CARD14: variants seen among roughly 807,000 people sequenced by gnomAD.
The protein encoded by CARD14 is caspase recruitment domain-containing protein 14.
Under a neutral mutation model 111.5 loss-of-function variants are expected in CARD14, and 107 were observed. The observed-to-expected ratio is 0.96, with a 90% CI of 0.82 to 1.13. CARD14 has a LOEUF of 1.13. Ranked by LOEUF, CARD14 falls within the 50% of genes most tolerant of loss-of-function variation. The probability of loss-of-function intolerance (pLI) is 0.00; values close to 1 mark genes in which losing one functional copy is unlikely to be tolerated. For missense variants in CARD14, 1,322 were observed against 1,362.3 expected (o/e 0.97, Z 0.47); for synonymous variants, 617 against 579.6 (o/e 1.06, Z -0.93).
Position 80,208,232 on chromosome 17 carries a change from A to G in CARD14, c.2902A>G (p.Ser968Gly). The G allele has an allele frequency of 6.4e-7, 1 of 1,571,874 alleles. No homozygotes were observed. The highest frequency in any genetic ancestry group is 1.3e-5 in the African/African-American group (1 of 74,690). ...CCTGGACCGGGCGCCCTGTCTATACAGCAGCCTGGCTCCTGACGGCTGGAG... is the reference window on the plus strand; with the variant it reads ...CCTGGACCGGGCGCCCTGTCTATACGGCAGCCTGGCTCCTGACGGCTGGAG... Reference protein sequence around the residue: ...GDLDRAPCLYSSLAPDGWSDL... With the variant: ...GDLDRAPCLYGSLAPDGWSDL... Residue 968 changes from serine to glycine, a missense_variant, in exon 24 of 24, where the codon AGC (serine) becomes GGC (glycine). Ser to Gly is a moderately conservative substitution (Grantham distance 56). Transcript: ENST00000648509.
intron 1 of CARD14, among the ~76,000 whole-genome samples, chr17:80,172,398 G>A (rs2039921460): frequency 6.6e-6 from 1 of 152,184 alleles, no homozygotes; most frequent in Non-Finnish European, 1.5e-5. Flanking sequence ...GCCCTGAGGG[G>A]AAGAAACAGT....
rs55912754 is a variant in CARD14 at position 80,172,872 on chromosome 17, C to CTTTTTTTTTTTTTTTTTTTTTT, written c.-689-29_-689-8dup. ...CCCATACTTGCTTATTCTAAACATT[C>CTTTTTTTTTTTTTTTTTTTTTT]TTTTTTTTTTTTTTTTTTTTTTTTT... On this transcript the variant is annotated intron_variant, in intron 1 of 23. Coordinates refer to ENST00000648509, the MANE Select transcript of CARD14 (RefSeq NM_001366385.1). The CTTTTTTTTTTTTTTTTTTTTTT allele has an allele frequency of 3.4e-3, 240 of 70,784 alleles. 40 individuals carry two copies. Among genetic ancestry groups the CTTTTTTTTTTTTTTTTTTTTTT allele is most frequent in the African/African-American group, 3.9e-3 (67 of 17,182 alleles). The allele number at this position is 70,784 out of a possible 1,614,324, so 4.4% of individuals were successfully genotyped here.
Position 80,188,546 on chromosome 17 carries a change from T to G in CARD14, c.843+2T>G. On this transcript the variant is annotated splice_donor_variant, in intron 8 of 23. Transcript: ENST00000648509. LOFTEE classifies it high-confidence loss of function. The surrounding 1 kb of genome is among the most constrained non-coding windows in gnomAD (Gnocchi z 4.5). Reference sequence around the variant, plus strand: ...CTGCGCTCGCTGACTTTCAGCCTGGTAGGTTCCGGTCCCCGCAGCAGAGAG... The same window carrying G: ...CTGCGCTCGCTGACTTTCAGCCTGGGAGGTTCCGGTCCCCGCAGCAGAGAG... 1 of 1,500,792 alleles carries G rather than the reference T, an allele frequency of 6.7e-7. No individual in the cohort carries two copies. The highest frequency in any genetic ancestry group is 8.9e-7 in the Non-Finnish European group (1 of 1,123,406). 93.0% of individuals were successfully genotyped at this position (1,500,792 alleles called of 1,614,324 possible). A position where few individuals can be genotyped will look rare whatever the true frequency, so the allele number is the denominator to read the frequency against.
At chr17:80,181,329 A>T in intron 4 of CARD14, 90 bp from the exon 5 acceptor site, 1 of 964,032 alleles carries the variant, frequency 1.0e-6, no homozygotes, top group Non-Finnish European at 1.5e-6. Flanking sequence ...TGCTAATTTT[A>T]CGATGGAGTT....
intron 20 of CARD14, chr17:80,204,631 A>G: frequency 2.8e-6 from 1 of 361,100 alleles, no homozygotes; most frequent in Non-Finnish European, 5.1e-6. Context: ...TCTCAGGAAA[A>G]AAAAAAAATT....
chr17:80,192,273 G>T (rs2040553326), intron 11 of CARD14: 1 of 454,172 alleles, frequency 2.2e-6, no homozygotes, highest in Non-Finnish European at 4.0e-6. Flanking sequence ...TATTCTAAAA[G>T]AAATGAAATG....
intron 1 of CARD14, among the ~76,000 whole-genome samples, chr17:80,171,769 T>C (rs1253248079): frequency 6.6e-6 from 1 of 152,122 alleles, no homozygotes; most frequent in Non-Finnish European, 1.5e-5. Context: ...CAGCTGCTGG[T>C]GAGGCAGCTT....
rs4889995 is a variant in CARD14, at chr17:80,201,132, G to A, written c.1852-612G>A. The stretch of plus-strand genomic sequence containing the variant: ...TGACGATGTTCAGGGAGATAGTCCC[G>A]ATATCCTAAGGGGGCCAATTAGATT... On this transcript the variant is annotated intron_variant, in intron 16 of 23. Transcript: ENST00000648509. The surrounding 1 kb of genome is among the most constrained non-coding windows in gnomAD (Gnocchi z 5.0). 0.4 allele frequency: 61,381 copies of A among 152,998 alleles called. 13,252 individuals are homozygous for A. The highest frequency in any genetic ancestry group is 0.5 in the Non-Finnish European group (34,308 of 68,630). The allele number at this position is 152,998 out of a possible 1,614,324, so 9.5% of individuals were successfully genotyped here. A position where few individuals can be genotyped will look rare whatever the true frequency, so the allele number is the denominator to read the frequency against.
intron 12 of CARD14, among the ~76,000 whole-genome samples, chr17:80,194,088 A>T (rs2040624229): frequency 6.6e-6 from 1 of 151,794 alleles, no homozygotes; most frequent in South Asian, 2.1e-4. Flanking sequence ...CTCCTACTTC[A>T]TGGGCTCTCT....
In CARD14 at chr17:80,188,992, A is replaced by AG. The variant is rs1321111663; in HGVS notation, c.843+451dup. Among the ~76,000 whole-genome samples, 2 of 152,196 alleles carry AG rather than the reference A, an allele frequency of 1.3e-5. No individual in the cohort carries two copies. Among genetic ancestry groups the AG allele is most frequent in the East Asian group, 3.9e-4 (2 of 5,162 alleles). On this transcript the variant is annotated intron_variant, in intron 8 of 23. Transcript: ENST00000648509. This position sits in a 1 kb window ranked among gnomAD's most constrained non-coding sequence, Gnocchi z 4.5. ...CTTGACCCTGGGAGTTTCAGGCTGC[A>AG]GGGAGCTGAGATCACGCCACTGCAC...
chr17:80,190,628 A>AAGAG, intron 9 of CARD14, 146 bp from the exon 10 acceptor site: 1 of 481,426 alleles, frequency 2.1e-6, no homozygotes, highest in Non-Finnish European at 3.3e-6. Context: ...AAAAAAAAAA[A>AAGAG]AGAGAGAGAG....
intron 14 of CARD14, chr17:80,197,543 AAAAGAAAGAAAG>A (rs36045743): frequency 6.9e-6 from 1 of 143,954 alleles, no homozygotes; most frequent in East Asian, 2.0e-4. Flanking sequence ...AAAAAAAAAA[AAAAGAAAGAAAG>A]AAAGAAAGAA....
At chr17:80,202,685 C>A in intron 18 of CARD14, 1 of 1,181,418 alleles carries the variant, frequency 8.5e-7, no homozygotes, top group African/African-American at 1.6e-5. Flanking sequence ...GTACCATGGA[C>A]GTTTGGGGCT....
In CARD14 at chr17:80,175,103, G is replaced by T. The variant is rs558061185; in HGVS notation, c.-367+1875G>T. On this transcript the variant is annotated intron_variant, in intron 2 of 23. Coordinates refer to ENST00000648509, the MANE Select transcript of CARD14 (RefSeq NM_001366385.1). The stretch of plus-strand genomic sequence containing the variant: ...TGATCCTTCCACCTCAGCCTCCCAA[G>T]TAGCTTGGGGACCACAGGCTCACGC... Among the ~76,000 whole-genome samples, 4 of 151,956 alleles carry T rather than the reference G, an allele frequency of 2.6e-5. No homozygotes were observed. In the East Asian group the frequency reaches 7.8e-4, roughly 29 times the overall value.
rs2066964 is a variant in CARD14, at chr17:80,198,145, G to A, written c.1641G>A (p.Arg547=). The A allele has an allele frequency of 1.4e-5, 22 of 1,613,206 alleles. No individual in the cohort carries two copies. In the South Asian group the frequency reaches 2.2e-4, roughly 16 times the overall value. ...GCCTGCAGCCAGTCTCCCCTGGAAG[G>A]CTTGATGTCTCGGAGAGGTAAGCAG... ...ESSLQPVSPG[R]LDVSESGVLM... The change falls in exon 15 of 24, where the codon AGG becomes AGA. Residue 547 remains arginine, a synonymous_variant. Coordinates refer to ENST00000648509, the MANE Select transcript of CARD14 (RefSeq NM_001366385.1). This position sits in a 1 kb window ranked among gnomAD's most constrained non-coding sequence, Gnocchi z 7.5.
chr17:80,187,790 T>C (rs1466086242), intron 7 of CARD14: 1 of 985,322 alleles, frequency 1.0e-6, no homozygotes, highest in Non-Finnish European at 1.2e-6. Flanking sequence ...CAAGTTTCTC[T>C]TGGGCTGCTG....
rs2040800576 is a variant in CARD14 at position 80,198,443 on chromosome 17, A to G, written c.1703A>G (p.Gln568Arg). The G allele has an allele frequency of 6.2e-7, 1 of 1,611,250 alleles. No individual in the cohort carries two copies. The highest frequency in any genetic ancestry group is 1.1e-5 in the South Asian group (1 of 90,958). The change falls in exon 16 of 24, where the codon CAG (glutamine) becomes CGG (arginine). Residue 568 changes from glutamine (Q) to arginine (R), a missense_variant. By Grantham distance (43) the Gln-to-Arg change is conservative. Transcript: ENST00000648509. This position sits in a 1 kb window ranked among gnomAD's most constrained non-coding sequence, Gnocchi z 7.5. Reference protein sequence around the residue: ...RRRPARRILSQVTMLAFQGDA... With the variant: ...RRRPARRILSRVTMLAFQGDA... ...AGGCCAGCCCGCAGGATCCTGAGCC[A>G]GGTCACCATGCTGGCGTTCCAGGGG...
Position 80,198,052 on chromosome 17 carries a change from T to G in CARD14, c.1595-47T>G. ...TTACAGGAGGTTACAGGACGCCCCATCAGCAGTGGGGTGACCAAGATCTGT... is the reference window on the plus strand; with the variant it reads ...TTACAGGAGGTTACAGGACGCCCCAGCAGCAGTGGGGTGACCAAGATCTGT... On this transcript the variant is annotated intron_variant, in intron 14 of 23. Transcript: ENST00000648509. This position sits in a 1 kb window ranked among gnomAD's most constrained non-coding sequence, Gnocchi z 7.5. 6.3e-7 allele frequency: 1 copy of G among 1,588,926 alleles called. No individual in the cohort carries two copies. The highest frequency in any genetic ancestry group is 1.1e-5 in the South Asian group (1 of 90,394).
chr17:80,204,992 GC>G (rs967275290), intron 20 of CARD14, 42 bp from the exon 21 acceptor site: 59 of 1,485,798 alleles, frequency 4.0e-5, no homozygotes, highest in Non-Finnish European at 5.1e-5. Context: ...CTGGCTGGGG[GC>G]TGCCGCAGCC....
Sources: gnomAD v4.1 joint callset for allele counts (sites outside exome capture counted in the v4.1 genomes callset) on GRCh38, gnomAD v4.1.1 for gene constraint, Gnocchi (gnomAD v3.1) non-coding constraint, MANE v1.5 for transcripts, NCBI Gene and HGNC (gene_info 2026-07-23, HGNC 2026-07-21) for gene names.